OMA1: variants seen among roughly 807,000 people sequenced by gnomAD.
The protein encoded by OMA1 is metalloendopeptidase OMA1, mitochondrial.
Under a neutral mutation model 30.9 loss-of-function variants are expected in OMA1, and 38 were observed. The observed-to-expected ratio is 1.23, with a 90% CI of 0.95 to 1.61. The LOEUF (loss-of-function observed/expected upper bound fraction) is 1.61. Ranked by LOEUF, OMA1 falls within the 40% of genes most tolerant of loss-of-function variation. The pLI, the probability that OMA1 is intolerant of heterozygous loss-of-function variation, is 0.00. For synonymous variants in OMA1, 173 were observed against 121.9 expected, an observed-to-expected ratio of 1.42 and a Z score of -2.76; for missense variants, 461 against 349.2, an observed-to-expected ratio of 1.32 and a Z score of -2.55.
chr1:58,529,827 T>A (rs570884349), intron 6 of OMA1, among the ~76,000 whole-genome samples: 1 of 152,358 alleles, frequency 6.6e-6, no homozygotes, highest in African/African-American at 2.4e-5. Flanking sequence ...TAGAGATGAT[T>A]TAAAGTATAT....
At chr1:58,502,272 T>A (rs1438699158) in intron 8 of OMA1, among the ~76,000 whole-genome samples, 1 of 152,210 alleles carries the variant, frequency 6.6e-6, no homozygotes, top group African/African-American at 2.4e-5. Context: ...TGGTTTCCTA[T>A]TTGCTTTCTT....
At chr1:58,507,144 T>G (rs141822784) in intron 7 of OMA1, among the ~76,000 whole-genome samples, 55 of 152,030 alleles carry the variant, frequency 3.6e-4, no homozygotes, top group African/African-American at 1.3e-3. Context: ...AAATCCTCCA[T>G]AAGGTGGATT....
chr1:58,546,251 G>T (rs560321372), intron 1 of OMA1, among the ~76,000 whole-genome samples: 3 of 152,214 alleles, frequency 2.0e-5, no homozygotes, highest in African/African-American at 7.2e-5. Flanking sequence ...TGAAAGAGAC[G>T]AATGCCCGAC....
Position 58,538,762 on chromosome 1 carries a change from T to C in OMA1, c.500+33A>G, listed in dbSNP as rs188974396. The C allele has an allele frequency of 5.5e-6, 4 of 722,548 alleles. No individual in the cohort carries two copies. The Admixed American group carries it at 1.0e-4, about 19-fold the overall frequency. The allele number at this position is 722,548 out of a possible 1,614,324, so 44.8% of individuals were successfully genotyped here. ...ACAAAATATTAATGCAAAAAGTTAATATAAAAGTTTTTATTCTAAAAAAGC... is the reference window on the plus strand; with the variant it reads ...ACAAAATATTAATGCAAAAAGTTAACATAAAAGTTTTTATTCTAAAAAAGC... On this transcript the variant is annotated intron_variant, in intron 2 of 8. Transcript: ENST00000371226.
At chr1:58,524,352 C>A (rs566414445) in intron 7 of OMA1, among the ~76,000 whole-genome samples, 2 of 152,196 alleles carry the variant, frequency 1.3e-5, no homozygotes, top group Non-Finnish European at 2.9e-5. Context: ...CATTTTTAAG[C>A]CAAATCTCTA....
intron 8 of OMA1, among the ~76,000 whole-genome samples, chr1:58,499,477 T>TCTAG (rs143536842): frequency 7.0e-6 from 1 of 143,662 alleles, no homozygotes. Flanking sequence ...AAAGCCAGAC[T>TCTAG]ATAGATAGAT....
chr1:58,538,907 T>A lies in OMA1; in HGVS notation c.388A>T (p.Ile130Leu). The A allele has an allele frequency of 1.1e-6, 1 of 872,860 alleles. No individual in the cohort carries two copies. 54.1% of individuals were successfully genotyped at this position (872,860 alleles called of 1,614,324 possible). The change falls in exon 2 of 9, where the codon ATA (isoleucine) becomes TTA (leucine). Residue 130 changes from isoleucine (I) to leucine (L), a missense_variant. Transcript: ENST00000371226. Reference sequence around the variant, plus strand: ...GTATGGAAATTCCTAATAGCTCTTATGGAAGCAGGGCTTAGAGGATGCAAT... The same window carrying A: ...GTATGGAAATTCCTAATAGCTCTTAAGGAAGCAGGGCTTAGAGGATGCAAT... ...SVLHPLSPASIRAIRNFHTSP... is the reference protein window; with the variant it reads ...SVLHPLSPASLRAIRNFHTSP...
rs1479246462 is a variant in OMA1 at position 58,534,111 on chromosome 1, G to C, written c.903+47C>G. 5.8e-6 allele frequency: 5 copies of C among 866,486 alleles called. No homozygotes were observed. In the African/African-American group the frequency reaches 8.2e-5, roughly 14 times the overall value. The allele number at this position is 866,486 out of a possible 1,614,324, so 53.7% of individuals were successfully genotyped here. On this transcript the variant is annotated intron_variant, in intron 4 of 8. Transcript: ENST00000371226. ...GCAATTAGAACATCATAAAAAATAA[G>C]GACAATAAATTTAACAATTACAATG...
chr1:58,489,286 G>C (rs1645632941), intron 8 of OMA1, among the ~76,000 whole-genome samples: 1 of 152,204 alleles, frequency 6.6e-6, no homozygotes, highest in Admixed American at 6.5e-5. Flanking sequence ...CGGCACACCA[G>C]GAGATTATAT....
intron 8 of OMA1, among the ~76,000 whole-genome samples, chr1:58,484,089 CAG>C (rs1303794577): frequency 6.6e-6 from 1 of 152,182 alleles, no homozygotes; most frequent in East Asian, 1.9e-4. Context: ...TTCGCTTATT[CAG>C]TCTTTTTAAT....
intron 8 of OMA1, among the ~76,000 whole-genome samples, chr1:58,500,423 T>C (rs1557442945): frequency 6.6e-6 from 1 of 152,212 alleles, no homozygotes; most frequent in Non-Finnish European, 1.5e-5. Flanking sequence ...TGTATAATAT[T>C]AATGATTTAT....
intron 8 of OMA1, among the ~76,000 whole-genome samples, chr1:58,485,100 C>G (rs2654730): frequency 4.0e-5 from 6 of 151,722 alleles, no homozygotes; most frequent in African/African-American, 1.5e-4. Context: ...TATTATCACT[C>G]TGGCATGGGA....
At chr1:58,495,120 G>A (rs1645774735) in intron 8 of OMA1, among the ~76,000 whole-genome samples, 1 of 152,090 alleles carries the variant, frequency 6.6e-6, no homozygotes, top group South Asian at 2.1e-4. Context: ...TCCTTTGTAG[G>A]GACATGGATA....
At chr1:58,505,243 A>G (rs1162967484) in intron 8 of OMA1, among the ~76,000 whole-genome samples, 1 of 152,188 alleles carries the variant, frequency 6.6e-6, no homozygotes, top group African/African-American at 2.4e-5. Flanking sequence ...TGAGAAAGAT[A>G]CTTCTATAAT....
At position 58,538,805 on chromosome 1, in the gene OMA1, T is replaced by C; in HGVS notation, c.490A>G (p.Ile164Val). 4 of 809,190 alleles carry C rather than the reference T, an allele frequency of 4.9e-6. No individual in the cohort carries two copies. The highest frequency in any genetic ancestry group is 8.4e-6 in the Non-Finnish European group (4 of 476,128). The allele number at this position is 809,190 out of a possible 1,614,324, so 50.1% of individuals were successfully genotyped here. ...AAAAAAGCATTTTACCTGCCTACAATGATTGCAAATAACTTCTGTACTGGT... is the reference window on the plus strand; with the variant it reads ...AAAAAAGCATTTTACCTGCCTACAACGATTGCAAATAACTTCTGTACTGGT... Reference protein sequence around the residue: ...LKPVQKLFAIIVGRGIRKWWQ... With the variant: ...LKPVQKLFAIVVGRGIRKWWQ... The change falls in exon 2 of 9, where the codon ATT (isoleucine) becomes GTT (valine). Residue 164 changes from isoleucine (I) to valine (V), a missense_variant. By Grantham distance (29) the Ile-to-Val change is conservative. Coordinates refer to ENST00000371226, the MANE Select transcript of OMA1 (RefSeq NM_145243.5).
At chr1:58,512,283 C>A (rs1646090000) in intron 7 of OMA1, among the ~76,000 whole-genome samples, 2 of 152,082 alleles carry the variant, frequency 1.3e-5, no homozygotes, top group Non-Finnish European at 2.9e-5. Flanking sequence ...GAAACTGGAA[C>A]TCTTGTACAC....
chr1:58,518,971 C>G (rs72672226), intron 7 of OMA1, among the ~76,000 whole-genome samples: 7,349 of 152,274 alleles, frequency 0.048, 223 homozygotes, highest in African/African-American at 0.063. Flanking sequence ...AGCTAGTACT[C>G]TCTCTGGGAA....
intron 1 of OMA1, among the ~76,000 whole-genome samples, chr1:58,541,988 C>T (rs376299979): frequency 6.6e-6 from 1 of 152,090 alleles, no homozygotes; most frequent in Non-Finnish European, 1.5e-5. Context: ...TAAGCTAATA[C>T]GATATTATCT....
chr1:58,532,827 A>C (rs1646456034), intron 5 of OMA1, among the ~76,000 whole-genome samples: 2 of 152,234 alleles, frequency 1.3e-5, no homozygotes, highest in African/African-American at 4.8e-5. Context: ...CACCCAGTCA[A>C]GAAAAATGTT....
Sources: gnomAD v4.1 joint callset for allele counts (sites outside exome capture counted in the v4.1 genomes callset) on GRCh38, gnomAD v4.1.1 for gene constraint, MANE v1.5 for transcripts, NCBI Gene and HGNC (gene_info 2026-07-23, HGNC 2026-07-21) for gene names.